Variants in VPS50 observed in about 807,000 individuals in gnomAD.
The protein encoded by VPS50 is syndetin.
Under a neutral mutation model 139.7 loss-of-function variants are expected in VPS50, and 70 were observed. The ratio of observed to expected loss-of-function variants is 0.50; its 90% CI spans 0.41 to 0.61. The LOEUF is 0.61. Ranked by LOEUF, VPS50 falls within the 20% of genes least tolerant of loss-of-function variation. The pLI is 0.00. For missense variants in VPS50, 921 were observed against 1,133.7 expected (o/e 0.81, Z 2.69); for synonymous variants, 365 against 376.7 (o/e 0.97, Z 0.36).
At chr7:93,268,469 A>G (rs1387922573) in intron 9 of VPS50, among the ~76,000 whole-genome samples, 1 of 151,970 alleles carries the variant, frequency 6.6e-6, no homozygotes, top group African/African-American at 2.4e-5. Context: ...ATTTTTCCTG[A>G]TGCTCTTCTT....
chr7:93,252,679 GC>G lies in VPS50; in HGVS notation c.131del (p.Pro44GlnfsTer43). 6.2e-7 allele frequency: 1 copy of G among 1,603,088 alleles called. No homozygotes were observed. Reference protein sequence around the residue: ...KEEFRELREQPSDPQAEQELI... With the variant: ...KEEFRELREQXSDPQAEQELI... ...AAGAATTCAGGGAACTTCGAGAACA[GC>G]CAAGTGACCCTCAAGCTGAACAAGA... On this transcript the variant is annotated frameshift_variant, in exon 3 of 28. Transcript: ENST00000305866. LOFTEE classifies it high-confidence loss of function.
At chr7:93,236,525 A>G (rs1280231731) in intron 1 of VPS50, among the ~76,000 whole-genome samples, 1 of 152,248 alleles carries the variant, frequency 6.6e-6, no homozygotes, top group Non-Finnish European at 1.5e-5. Flanking sequence ...GCGAGTGTTA[A>G]TTTATGCTGA....
At position 93,319,189 on chromosome 7, in the gene VPS50, G is replaced by A. The variant is rs914835376; in HGVS notation, c.1856-4422G>A. Among the ~76,000 whole-genome samples the A allele has an allele frequency of 3.9e-5, 6 of 152,140 alleles. No homozygotes were observed. In the East Asian group the frequency reaches 1.2e-3, roughly 29 times the overall value. On this transcript the variant is annotated intron_variant, in intron 20 of 27. Coordinates refer to ENST00000305866, the MANE Select transcript of VPS50 (RefSeq NM_017667.4). ...TCCTCTGAATATATAATCAGATATAGTCACAGAAAAAAAACACAGTAAATT... is the reference window on the plus strand; with the variant it reads ...TCCTCTGAATATATAATCAGATATAATCACAGAAAAAAAACACAGTAAATT...
chr7:93,342,665 C>T (rs1451834587), intron 23 of VPS50, among the ~76,000 whole-genome samples: 1 of 152,230 alleles, frequency 6.6e-6, no homozygotes, highest in East Asian at 1.9e-4. Context: ...GGGTCCCTGA[C>T]CACTGACCCC....
chr7:93,293,470 G>T (rs1020408591), intron 13 of VPS50, among the ~76,000 whole-genome samples: 1 of 152,068 alleles, frequency 6.6e-6, no homozygotes, highest in Non-Finnish European at 1.5e-5. Context: ...TGCCTAATCT[G>T]TATATTTTAT....
At position 93,232,458 on chromosome 7, in the gene VPS50, G is replaced by T. The variant is rs1224196719; in HGVS notation, c.-10G>T. ...TCTTTGAGGCAGGGTACCCTCCTCA[G>T]GATTTCGATATGCAAAAAATCAAAT... On this transcript the variant is annotated 5_prime_UTR_variant, in exon 1 of 28. It adds an upstream start codon to the 5' untranslated region. Coordinates refer to ENST00000305866, the MANE Select transcript of VPS50 (RefSeq NM_017667.4). 3 of 1,612,456 alleles carry T rather than the reference G, an allele frequency of 1.9e-6. No individual in the cohort carries two copies. Among genetic ancestry groups the T allele is most frequent in the Admixed American group, 1.7e-5 (1 of 59,980 alleles).
Position 93,241,198 on chromosome 7 carries a change from C to T in VPS50, c.102+1264C>T, listed in dbSNP as rs140890776. 9.1e-4 allele frequency among the ~76,000 whole-genome samples: 139 copies of T among 152,200 alleles called. 1 individual carries two copies. The highest frequency in any genetic ancestry group is 3.1e-3 in the African/African-American group (127 of 41,564). On this transcript the variant is annotated intron_variant, in intron 2 of 27. Coordinates refer to ENST00000305866, the MANE Select transcript of VPS50 (RefSeq NM_017667.4). ...AAATACATTACAGTCTTAACAAGAA[C>T]TTTCTGTTGTGTTTCCACCATGAGC...
chr7:93,247,783 A>G (rs190840350), intron 2 of VPS50, among the ~76,000 whole-genome samples: 240 of 152,194 alleles, frequency 1.6e-3, no homozygotes, highest in African/African-American at 5.6e-3. Flanking sequence ...TTAGGGGAAG[A>G]TAAGGTTATA....
At chr7:93,257,797 T>G (rs1371959210) in intron 6 of VPS50, 1 of 240,328 alleles carries the variant, frequency 4.2e-6, no homozygotes, top group Non-Finnish European at 7.8e-6. Context: ...AAAAACAAAT[T>G]ACTAGGCAAA....
intron 21 of VPS50, among the ~76,000 whole-genome samples, chr7:93,330,794 G>C (rs946387509): frequency 2.9e-5 from 4 of 139,402 alleles, no homozygotes; most frequent in Non-Finnish European, 4.6e-5. Flanking sequence ...CCAAACAATT[G>C]TGCTGGAGAT....
intron 20 of VPS50, among the ~76,000 whole-genome samples, chr7:93,314,287 G>A (rs1410983682): frequency 6.6e-6 from 1 of 152,160 alleles, no homozygotes; most frequent in African/African-American, 2.4e-5. Context: ...TATTTAAAAT[G>A]TCCTTTTCAA....
chr7:93,297,801 G>A (rs1039257569), intron 16 of VPS50, among the ~76,000 whole-genome samples: 4 of 152,124 alleles, frequency 2.6e-5, no homozygotes, highest in African/African-American at 9.7e-5. Context: ...GTTTATAATA[G>A]CAGTGTGATT....
At chr7:93,353,007 G>A (rs192258351) in intron 25 of VPS50, among the ~76,000 whole-genome samples, 64 of 152,166 alleles carry the variant, frequency 4.2e-4, no homozygotes, top group African/African-American at 1.5e-3. Context: ...GGTCATTGGA[G>A]CATTTCAGAA....
chr7:93,232,863 G>T (rs1794679090), intron 1 of VPS50, among the ~76,000 whole-genome samples: 3 of 152,184 alleles, frequency 2.0e-5, no homozygotes, highest in Admixed American at 1.3e-4. Flanking sequence ...TGGGTAGGGT[G>T]GTGTGGTCTG....
chr7:93,275,264 G>A (rs1489678193), intron 11 of VPS50, among the ~76,000 whole-genome samples: 1 of 152,176 alleles, frequency 6.6e-6, no homozygotes, highest in East Asian at 1.9e-4. Context: ...GGTCTGAGAG[G>A]ATTGACTGTA....
At chr7:93,250,917 CAT>C (rs1430774913) in intron 2 of VPS50, among the ~76,000 whole-genome samples, 2 of 152,032 alleles carry the variant, frequency 1.3e-5, no homozygotes, top group Admixed American at 6.6e-5. Context: ...AGCCAACAAA[CAT>C]ATGAAAAAAA....
intron 20 of VPS50, chr7:93,320,811 C>CCACA (rs1413268748): frequency 2.0e-5 from 3 of 152,482 alleles, no homozygotes; most frequent in Non-Finnish European, 2.9e-5. Context: ...CATATGTGAA[C>CCACA]CTGTAGCTTG....
chr7:93,335,659 C>T (rs561352574), intron 22 of VPS50, among the ~76,000 whole-genome samples: 4 of 151,900 alleles, frequency 2.6e-5, no homozygotes, highest in South Asian at 2.1e-4. Context: ...TTCTGTGTTT[C>T]GATTTTGATT....
chr7:93,310,419 C>T (rs536216481), intron 19 of VPS50, among the ~76,000 whole-genome samples: 1 of 151,830 alleles, frequency 6.6e-6, no homozygotes, highest in Non-Finnish European at 1.5e-5. Context: ...GGATTCTTGT[C>T]TCTAGGCTTG....
Sources: allele counts gnomAD v4.1 joint callset (sites outside exome capture counted in the v4.1 genomes callset), GRCh38; gene constraint gnomAD v4.1.1; transcripts MANE v1.5; gene names NCBI Gene and HGNC (gene_info 2026-07-23, HGNC 2026-07-21).